PARD3B: variants seen among roughly 807,000 people sequenced by gnomAD.
PARD3B encodes the protein partitioning defective 3 homolog B.
Under a neutral mutation model 130.2 loss-of-function variants are expected in PARD3B, and 103 were observed. That is an observed-to-expected ratio of 0.79 (90% CI 0.67 to 0.93). The LOEUF is 0.93. PARD3B is among the 40% of genes least tolerant of loss of function. The probability of loss-of-function intolerance (pLI) is 0.00; values close to 1 mark genes in which losing one functional copy is unlikely to be tolerated. For synonymous variants in PARD3B, 583 were observed against 553.2 expected (o/e 1.05, Z -0.76); for missense variants, 1,609 against 1,499.2 (o/e 1.07, Z -1.21).
rs2031964271 is a variant in PARD3B, at chr2:205,131,155, A to G, written c.1434+5418A>G. Among the ~76,000 whole-genome samples the G allele has an allele frequency of 2.0e-5, 3 of 152,194 alleles. No homozygotes were observed. The South Asian group carries it at 6.2e-4, about 31-fold the overall frequency. On this transcript the variant is annotated intron_variant, in intron 10 of 22. Coordinates refer to ENST00000406610, the MANE Select transcript of PARD3B (RefSeq NM_001302769.2). ...TTTGATTCAAATGATTCCATGCTTA[A>G]TTAACTGAGATACTTAAGGAAAAAT...
intron 21 of PARD3B, among the ~76,000 whole-genome samples, chr2:205,548,693 A>G (rs1049785440): frequency 3.3e-5 from 5 of 152,172 alleles, no homozygotes; most frequent in Non-Finnish European, 7.3e-5. Context: ...AAGAAAATCT[A>G]GATGACCTAG....
chr2:204,633,464 A>T (rs2034759551), intron 1 of PARD3B, among the ~76,000 whole-genome samples: 1 of 152,188 alleles, frequency 6.6e-6, no homozygotes, highest in Admixed American at 6.5e-5. Context: ...AGTTAATTTA[A>T]TATCATCCAT....
At chr2:205,131,844 G>A (rs967742100) in intron 10 of PARD3B, among the ~76,000 whole-genome samples, 1 of 152,086 alleles carries the variant, frequency 6.6e-6, no homozygotes, top group Non-Finnish European at 1.5e-5. Flanking sequence ...GTTTGGAGGG[G>A]AAAAAAGATG....
rs1398575664 is a variant in PARD3B, at chr2:205,187,628, C to G, written c.2024+1765C>G. ...AGATCACCTGGGATTTAGCAACTGT[C>G]TTTTTGGCTTCAAAGTCTCCACGGA... is the stretch of plus-strand genomic sequence containing the variant. On this transcript the variant is annotated intron_variant, in intron 14 of 22. Transcript: ENST00000406610. This position sits in a 1 kb window ranked among gnomAD's most constrained non-coding sequence, Gnocchi z 4.9. Among the ~76,000 whole-genome samples the G allele has an allele frequency of 6.6e-6, 1 of 152,158 alleles. No homozygotes were observed. The highest frequency in any genetic ancestry group is 1.9e-4 in the East Asian group (1 of 5,182).
intron 2 of PARD3B, among the ~76,000 whole-genome samples, chr2:204,724,829 G>T (rs180850625): frequency 7.1e-6 from 1 of 140,072 alleles, no homozygotes; most frequent in South Asian, 2.6e-4. Flanking sequence ...ATATGTCATC[G>T]AATAGTGGGG....
chr2:205,096,271 A>G (rs1391375676), intron 4 of PARD3B, among the ~76,000 whole-genome samples: 31 of 152,070 alleles, frequency 2.0e-4, no homozygotes, highest in Non-Finnish European at 7.4e-5. Flanking sequence ...AAGAAAATAG[A>G]AGTGAGGGCC....
At chr2:205,382,255 C>T (rs1009113944) in intron 18 of PARD3B, among the ~76,000 whole-genome samples, 3 of 151,930 alleles carry the variant, frequency 2.0e-5, no homozygotes, top group African/African-American at 7.3e-5. Flanking sequence ...CTTTCATGAC[C>T]TTGTTACTTT....
intron 20 of PARD3B, among the ~76,000 whole-genome samples, chr2:205,449,204 G>T (rs1430502931): frequency 1.4e-5 from 2 of 146,564 alleles, no homozygotes; most frequent in African/African-American, 5.0e-5. Flanking sequence ...GAAACTATTT[G>T]CTCTTGATGA....
At position 204,637,076 on chromosome 2, in the gene PARD3B, G is replaced by A. The variant is rs115109588; in HGVS notation, c.121-49105G>A. Among the ~76,000 whole-genome samples, 1,016 of 152,066 alleles carry A rather than the reference G, an allele frequency of 6.7e-3. 14 individuals carry two copies. The highest frequency in any genetic ancestry group is 0.023 in the African/African-American group (970 of 41,390). ...CTTTATTCTTTCATACTGTTTTAATGTGTTTTTTTCCCTTTTGTCTTATCC... is the reference window on the plus strand; with the variant it reads ...CTTTATTCTTTCATACTGTTTTAATATGTTTTTTTCCCTTTTGTCTTATCC... On this transcript the variant is annotated intron_variant, in intron 1 of 22. Transcript: ENST00000406610.
At chr2:204,991,858 G>A (rs1167216264) in intron 3 of PARD3B, among the ~76,000 whole-genome samples, 2 of 150,712 alleles carry the variant, frequency 1.3e-5, no homozygotes, top group African/African-American at 4.9e-5. Flanking sequence ...TGCGTTTTTT[G>A]GCTGCATAAA....
intron 2 of PARD3B, among the ~76,000 whole-genome samples, chr2:204,724,338 A>G (rs2039125519): frequency 2.0e-5 from 3 of 152,198 alleles, no homozygotes; most frequent in African/African-American, 2.4e-5. Flanking sequence ...CAAAGTCACA[A>G]TGTCTTCAAA....
chr2:205,075,590 A>C (rs1013073981), intron 4 of PARD3B, among the ~76,000 whole-genome samples: 1 of 151,572 alleles, frequency 6.6e-6, no homozygotes, highest in African/African-American at 2.4e-5. Flanking sequence ...AGGTTGCAAA[A>C]TTATTTCTAT....
Position 205,458,829 on chromosome 2 carries a change from C to T in PARD3B, c.3044+18157C>T, listed in dbSNP as rs1356260958. Reference sequence around the variant, plus strand: ...GAAATCTCAGGCTGATGATACCTTTCTTCAGAGAAGATGTATTTAATAATA... The same window carrying T: ...GAAATCTCAGGCTGATGATACCTTTTTTCAGAGAAGATGTATTTAATAATA... On this transcript the variant is annotated intron_variant, in intron 20 of 22. Coordinates refer to ENST00000406610, the MANE Select transcript of PARD3B (RefSeq NM_001302769.2). The surrounding 1 kb of genome is among the most constrained non-coding windows in gnomAD (Gnocchi z 4.8). Among the ~76,000 whole-genome samples the T allele has an allele frequency of 2.0e-5, 3 of 152,156 alleles. No individual in the cohort carries two copies. Among genetic ancestry groups the T allele is most frequent in the Non-Finnish European group, 4.4e-5 (3 of 68,030 alleles).
Position 205,269,491 on chromosome 2 carries a change from T to A in PARD3B, c.2185+23669T>A, listed in dbSNP as rs2040636425. Among the ~76,000 whole-genome samples the A allele has an allele frequency of 6.6e-6, 1 of 152,116 alleles. No homozygotes were observed. The highest frequency in any genetic ancestry group is 2.4e-5 in the African/African-American group (1 of 41,418). ...TACCTTGTTAAGATTTCCAAGAACT[T>A]TTATATTCAGGAATTTATATTCAGG... On this transcript the variant is annotated intron_variant, in intron 16 of 22. Transcript: ENST00000406610. The surrounding 1 kb of genome is among the most constrained non-coding windows in gnomAD (Gnocchi z 4.7).
rs1352605874 is a variant in PARD3B at position 205,269,418 on chromosome 2, C to G, written c.2185+23596C>G. On this transcript the variant is annotated intron_variant, in intron 16 of 22. Coordinates refer to ENST00000406610, the MANE Select transcript of PARD3B (RefSeq NM_001302769.2). This position sits in a 1 kb window ranked among gnomAD's most constrained non-coding sequence, Gnocchi z 4.7. ...ATTCATGATAAAGGAAACAAGGAGG[C>G]TTTTTCAGGTAATGTCTTAGGAGTA... Among the ~76,000 whole-genome samples the G allele has an allele frequency of 3.9e-5, 6 of 152,084 alleles. No homozygotes were observed. The highest frequency in any genetic ancestry group is 2.6e-4 in the Admixed American group (4 of 15,272).
intron 1 of PARD3B, among the ~76,000 whole-genome samples, chr2:204,561,457 G>A (rs2031303107): frequency 6.6e-6 from 1 of 152,144 alleles, no homozygotes; most frequent in African/African-American, 2.4e-5. Flanking sequence ...CTGGCTTCTA[G>A]TTAGGGTCGG....
At chr2:204,944,965 C>T (rs1254446784) in intron 2 of PARD3B, among the ~76,000 whole-genome samples, 2 of 152,210 alleles carry the variant, frequency 1.3e-5, no homozygotes, top group Non-Finnish European at 2.9e-5. Flanking sequence ...TCCAAGTGCC[C>T]AAACTGTATT....
intron 15 of PARD3B, among the ~76,000 whole-genome samples, chr2:205,203,105 A>G (rs2037079681): frequency 6.6e-6 from 1 of 152,058 alleles, no homozygotes; most frequent in African/African-American, 2.4e-5. Flanking sequence ...GTAAGACTCT[A>G]TTTCCCCAGA....
chr2:204,850,889 G>T (rs1216871444), intron 2 of PARD3B, among the ~76,000 whole-genome samples: 1 of 152,138 alleles, frequency 6.6e-6, no homozygotes, highest in African/African-American at 2.4e-5. Context: ...ATGACTGTCT[G>T]GCAAATTACA....
Sources: gnomAD v4.1 joint callset for allele counts (sites outside exome capture counted in the v4.1 genomes callset) on GRCh38, gnomAD v4.1.1 for gene constraint, Gnocchi (gnomAD v3.1) non-coding constraint, MANE v1.5 for transcripts, NCBI Gene and HGNC (gene_info 2026-07-23, HGNC 2026-07-21) for gene names.